ARID2: variants seen among roughly 807,000 people sequenced by gnomAD.
ARID2 encodes the protein AT-rich interaction domain 2.
Under a neutral mutation model 184.6 loss-of-function variants are expected in ARID2, and 32 were observed. The observed-to-expected ratio is 0.17, with a 90% confidence interval of 0.13 to 0.23. The LOEUF is 0.23. ARID2 is among the 10% of genes least tolerant of loss of function. The probability of loss-of-function intolerance (pLI) is 1.00; values close to 1 mark genes in which losing one functional copy is unlikely to be tolerated. For synonymous variants in ARID2, 836 were observed against 772.6 expected (o/e 1.08, Z -1.36); for missense variants, 1,696 against 2,197.6 (o/e 0.77, Z 4.56).
chr12:45,870,941 T>C (rs1198409646), intron 16 of ARID2, among the ~76,000 whole-genome samples: 1 of 152,226 alleles, frequency 6.6e-6, no homozygotes. Context: ...TTTGTGTGGA[T>C]GTAGTTTTTC....
intron 12 of ARID2, among the ~76,000 whole-genome samples, chr12:45,848,554 G>C (rs556505226): frequency 6.6e-6 from 1 of 152,190 alleles, no homozygotes; most frequent in Non-Finnish European, 1.5e-5. Context: ...ATTTCTTATA[G>C]AACATTTGTT....
rs1263340844 is a variant in ARID2, at chr12:45,905,923, ATTTTTTTTTCTTTTTTCTT to A, written c.*862_*880del. On this transcript the variant is annotated 3_prime_UTR_variant, in exon 21 of 21. Transcript: ENST00000334344. ...GTCAAAACAGTTTTGTGGAACTGTG[ATTTTTTTTTCTTTTTTCTT>A]TTTTTTTTTCTTTTTTTTTTTGTAT... 2 of 205,938 alleles carry A rather than the reference ATTTTTTTTTCTTTTTTCTT, an allele frequency of 9.7e-6. No homozygotes were observed. The highest frequency in any genetic ancestry group is 5.4e-5 in the African/African-American group (2 of 37,142). 12.8% of individuals were successfully genotyped at this position (205,938 alleles called of 1,614,324 possible).
chr12:45,822,561 A>G (rs956395595), intron 6 of ARID2, among the ~76,000 whole-genome samples: 4 of 152,132 alleles, frequency 2.6e-5, no homozygotes, highest in African/African-American at 9.7e-5. Context: ...ATAAATCAAT[A>G]AAAATAAATA....
At chr12:45,849,514 T>G (rs903974596) in intron 13 of ARID2, 66 bp from the exon 14 acceptor site, 10 of 1,323,294 alleles carry the variant, frequency 7.6e-6, no homozygotes, top group East Asian at 2.4e-5. Context: ...GTTGTTCATG[T>G]AAACATAATG....
rs771678839 is a variant in ARID2 at position 45,837,398 on chromosome 12, T to C, written c.1101T>C (p.Asp367=). 1 of 1,612,214 alleles carries C rather than the reference T, an allele frequency of 6.2e-7. No individual in the cohort carries two copies. Among genetic ancestry groups the C allele is most frequent in the South Asian group, 1.1e-5 (1 of 90,644 alleles). The part of the protein sequence containing the change: ...HTVTKCLMSR[D]RFLKMRGMEI... ...TTACAAAATGTCTAATGTCAAGGGA[T>C]AGATTTTTAAAGATGAGAGGTGAGT... is the stretch of plus-strand genomic sequence containing the variant. The change falls in exon 9 of 21, where the codon GAT becomes GAC. Residue 367 remains aspartate, a synonymous_variant. Coordinates refer to ENST00000334344, the MANE Select transcript of ARID2 (RefSeq NM_152641.4).
At chr12:45,755,178 T>C (rs533261738) in intron 3 of ARID2, among the ~76,000 whole-genome samples, 1 of 152,336 alleles carries the variant, frequency 6.6e-6, no homozygotes, top group East Asian at 1.9e-4. Flanking sequence ...AATTAACATA[T>C]TTGAGCTTTA....
chr12:45,769,063 T>C (rs1941822680), intron 3 of ARID2, among the ~76,000 whole-genome samples: 1 of 152,072 alleles, frequency 6.6e-6, no homozygotes. Context: ...GAAATAACAG[T>C]AACATACCCC....
chr12:45,906,620 T>C lies in ARID2; in HGVS notation c.*1542T>C. On this transcript the variant is annotated 3_prime_UTR_variant, in exon 21 of 21. Coordinates refer to ENST00000334344, the MANE Select transcript of ARID2 (RefSeq NM_152641.4). ...ATTCTAAATTCAGCTGAAGGCAAGG[T>C]ATAACGGTCACCTACCTATTTGATT... 1 of 232,478 alleles carries C rather than the reference T, an allele frequency of 4.3e-6. No homozygotes were observed. The highest frequency in any genetic ancestry group is 8.5e-6 in the Non-Finnish European group (1 of 117,582). The allele number at this position is 232,478 out of a possible 1,614,324, so 14.4% of individuals were successfully genotyped here.
At chr12:45,804,731 C>T (rs1459123963) in intron 3 of ARID2, among the ~76,000 whole-genome samples, 1 of 151,940 alleles carries the variant, frequency 6.6e-6, no homozygotes. Flanking sequence ...CACAAAAAAG[C>T]TTAATACATC....
At chr12:45,804,491 T>C (rs913630501) in intron 3 of ARID2, among the ~76,000 whole-genome samples, 57 of 150,024 alleles carry the variant, frequency 3.8e-4, no homozygotes, top group African/African-American at 5.4e-4. Flanking sequence ...TGTGTGTGCG[T>C]GTGTGTGTGT....
chr12:45,826,852 TTTCTATGCATATTA>T (rs1943011790), intron 6 of ARID2, among the ~76,000 whole-genome samples: 1 of 152,106 alleles, frequency 6.6e-6, no homozygotes, highest in South Asian at 2.1e-4. Flanking sequence ...TATCGAGTCT[TTTCTATGCATATTA>T]TTTAAAGCAA....
chr12:45,859,240 A>G (rs923153578), intron 15 of ARID2, among the ~76,000 whole-genome samples: 1 of 152,222 alleles, frequency 6.6e-6, no homozygotes. Context: ...ATGTTTTGAT[A>G]CACAAATACT....
At chr12:45,751,206 T>C (rs1485507462) in intron 3 of ARID2, among the ~76,000 whole-genome samples, 1 of 152,124 alleles carries the variant, frequency 6.6e-6, no homozygotes, top group East Asian at 1.9e-4. Flanking sequence ...ACTGGAAAAG[T>C]CTTAGCAAGA....
chr12:45,734,836 A>G (rs915282299), intron 3 of ARID2, among the ~76,000 whole-genome samples: 3 of 152,168 alleles, frequency 2.0e-5, no homozygotes, highest in African/African-American at 7.2e-5. Context: ...AAATATTTCA[A>G]ATATTTTAAA....
At chr12:45,892,501 CATATAA>C (rs1944313950) in intron 18 of ARID2, among the ~76,000 whole-genome samples, 3 of 152,032 alleles carry the variant, frequency 2.0e-5, no homozygotes, top group African/African-American at 7.2e-5. Flanking sequence ...TATACACACA[CATATAA>C]ACATACACTA....
At chr12:45,783,643 G>A (rs1303648655) in intron 3 of ARID2, among the ~76,000 whole-genome samples, 2 of 152,210 alleles carry the variant, frequency 1.3e-5, no homozygotes, top group African/African-American at 4.8e-5. Context: ...GCAGTTCACA[G>A]TAGGGTTCAC....
chr12:45,893,913 C>T (rs963846603), intron 20 of ARID2, 192 bp downstream of exon 20: 3 of 436,170 alleles, frequency 6.9e-6, no homozygotes, highest in Admixed American at 4.2e-5. Context: ...GTTAAAACAA[C>T]CAAAAGGTGG....
chr12:45,819,648 A>G (rs922958368), intron 5 of ARID2, among the ~76,000 whole-genome samples: 3 of 152,078 alleles, frequency 2.0e-5, no homozygotes, highest in African/African-American at 4.8e-5. Context: ...TAAAAATTCT[A>G]TGTGACAAGA....
chr12:45,800,953 A>G (rs1942486524), intron 3 of ARID2, among the ~76,000 whole-genome samples: 1 of 152,200 alleles, frequency 6.6e-6, no homozygotes, highest in South Asian at 2.1e-4. Flanking sequence ...AGTATAAATA[A>G]TGAGTAAATA....
Sources: gnomAD v4.1 joint callset for allele counts (sites outside exome capture counted in the v4.1 genomes callset) on GRCh38, gnomAD v4.1.1 for gene constraint, MANE v1.5 for transcripts, NCBI Gene and HGNC (gene_info 2026-07-23, HGNC 2026-07-21) for gene names.